P3H2: variants seen among roughly 807,000 people sequenced by gnomAD.
The protein encoded by P3H2 is leprecan-like 1.
A neutral mutation model predicts 87.0 loss-of-function variants in P3H2; 80 were observed. The ratio of observed to expected loss-of-function variants is 0.92; its 90% CI spans 0.77 to 1.11. The LOEUF (loss-of-function observed/expected upper bound fraction) is 1.11, where lower values mean the gene tolerates loss of function less well. Ranked by LOEUF, P3H2 falls within the 50% of genes least tolerant of loss-of-function variation. The probability of loss-of-function intolerance (pLI) is 0.00; values close to 1 mark genes in which losing one functional copy is unlikely to be tolerated. For missense variants in P3H2, 1,001 were observed against 923.9 expected (o/e 1.08, Z -1.08); for synonymous variants, 367 against 359.3 (o/e 1.02, Z -0.24).
chr3:190,069,872 G>A (rs1412497949), intron 1 of P3H2, among the ~76,000 whole-genome samples: 1 of 151,094 alleles, frequency 6.6e-6, no homozygotes, highest in Non-Finnish European at 1.5e-5. Context: ...TGGTGTAGAT[G>A]GAAATCCAAT....
At chr3:189,976,330 C>T (rs986876064) in intron 8 of P3H2, among the ~76,000 whole-genome samples, 11 of 152,194 alleles carry the variant, frequency 7.2e-5, no homozygotes, top group African/African-American at 2.7e-4. Context: ...TTAACGGACT[C>T]ACAGTTCCAC....
intron 1 of P3H2, among the ~76,000 whole-genome samples, chr3:190,004,082 G>A (rs1724302968): frequency 6.6e-6 from 1 of 152,140 alleles, no homozygotes; most frequent in South Asian, 2.1e-4. Flanking sequence ...TTCTCTATGT[G>A]AGTACAGAAC....
At chr3:190,041,216 A>G (rs1666400) in intron 1 of P3H2, among the ~76,000 whole-genome samples, 83,926 of 137,296 alleles carry the variant, frequency 0.61, 26,388 homozygotes, top group Admixed American at 0.71. Context: ...AGGCTGCAGT[A>G]AGCCAAGATT....
intron 1 of P3H2, among the ~76,000 whole-genome samples, chr3:190,081,534 G>A (rs34642841): frequency 1.3e-5 from 2 of 152,186 alleles, no homozygotes; most frequent in African/African-American, 2.4e-5. Flanking sequence ...TCAAGAAAAT[G>A]AGTCTGATTT....
chr3:190,039,136 C>T (rs1725518390), intron 1 of P3H2, among the ~76,000 whole-genome samples: 1 of 151,138 alleles, frequency 6.6e-6, no homozygotes, highest in Non-Finnish European at 1.5e-5. Context: ...TTGCGGTGAG[C>T]CGAGATCACA....
intron 1 of P3H2, among the ~76,000 whole-genome samples, chr3:190,076,518 C>T (rs1414256927): frequency 1.3e-5 from 2 of 152,182 alleles, no homozygotes; most frequent in Non-Finnish European, 2.9e-5. Context: ...ATTCACATAT[C>T]CACCTCCCTA....
chr3:190,045,352 C>T (rs987599187), intron 1 of P3H2, among the ~76,000 whole-genome samples: 1 of 152,158 alleles, frequency 6.6e-6, no homozygotes, highest in Non-Finnish European at 1.5e-5. Context: ...ACATTCTTTT[C>T]CCTTAGCAAG....
chr3:189,987,610 C>G lies in P3H2; in HGVS notation c.1015G>C (p.Asp339His), dbSNP rs759502203. 2 of 1,613,940 alleles carry G rather than the reference C, an allele frequency of 1.2e-6. No homozygotes were observed. The highest frequency in any genetic ancestry group is 1.7e-6 in the Non-Finnish European group (2 of 1,179,990). ...AKAYLLCHPD[D>H]EDVLDNVDYY... ...TCCACATTGTCTAGGACATCCTCATCATCTGGATGGCATAGAAGATAGGCT... is the reference window on the plus strand; with the variant it reads ...TCCACATTGTCTAGGACATCCTCATGATCTGGATGGCATAGAAGATAGGCT... The change falls in exon 5 of 15, where the codon GAT (aspartate) becomes CAT (histidine). Residue 339 changes from aspartate (D) to histidine (H), a missense_variant. Asp to His is a moderately conservative substitution (Grantham distance 81). Coordinates refer to ENST00000319332, the MANE Select transcript of P3H2 (RefSeq NM_018192.4).
At chr3:189,995,743 T>C (rs1329310051) in intron 1 of P3H2, among the ~76,000 whole-genome samples, 3 of 151,652 alleles carry the variant, frequency 2.0e-5, no homozygotes, top group Admixed American at 6.6e-5. Context: ...ATAAGATATA[T>C]AAAAAGCTGA....
At chr3:190,096,510 C>G (rs906188780) in intron 1 of P3H2, among the ~76,000 whole-genome samples, 2 of 152,140 alleles carry the variant, frequency 1.3e-5, no homozygotes, top group Non-Finnish European at 2.9e-5. Context: ...TCAATTACAC[C>G]TCTTTTCTTC....
chr3:190,108,456 T>G (rs1244487787), intron 1 of P3H2, among the ~76,000 whole-genome samples: 1 of 152,204 alleles, frequency 6.6e-6, no homozygotes, highest in African/African-American at 2.4e-5. Context: ...AGAAAAACAC[T>G]GATTTAAACA....
intron 1 of P3H2, among the ~76,000 whole-genome samples, chr3:190,043,592 T>A (rs536603393): frequency 6.6e-6 from 1 of 152,336 alleles, no homozygotes; most frequent in African/African-American, 2.4e-5. Flanking sequence ...ACAGGAATTG[T>A]ATATAGTTAA....
intron 2 of P3H2, 139 bp downstream of exon 2, chr3:189,995,151 A>C (rs1724010983): frequency 1.4e-6 from 1 of 728,904 alleles, no homozygotes; most frequent in Non-Finnish European, 2.2e-6. Context: ...TATTCTGAGA[A>C]TTCTGAAAGT....
chr3:189,971,821 C>T, intron 12 of P3H2, 69 bp downstream of exon 12: 1 of 933,976 alleles, frequency 1.1e-6, no homozygotes, highest in Non-Finnish European at 1.8e-6. Flanking sequence ...AAACAGAGCA[C>T]CTTTCCAGTT....
intron 1 of P3H2, among the ~76,000 whole-genome samples, chr3:190,015,879 T>C (rs950017424): frequency 6.6e-6 from 1 of 152,152 alleles, no homozygotes; most frequent in African/African-American, 2.4e-5. Flanking sequence ...CCACTGGAAG[T>C]AAGCAGTTAG....
In P3H2 at chr3:189,973,511, C is replaced by CTTTTTTT. The variant is rs869099221; in HGVS notation, c.1548+391_1548+397dup. Among the ~76,000 whole-genome samples the CTTTTTTT allele has an allele frequency of 7.6e-4, 27 of 35,454 alleles. 1 individual carries two copies. The highest frequency in any genetic ancestry group is 1.5e-3 in the African/African-American group (15 of 10,308). 23.3% of individuals were successfully genotyped at this position (35,454 alleles called of 152,430 possible). ...AACTTTTTTCTTTCTTTCTTTCTTT[C>CTTTTTTT]TTTTTTTTTTTTTTTTTTTTTTTTT... On this transcript the variant is annotated intron_variant, in intron 10 of 14. Transcript: ENST00000319332.
chr3:190,036,848 T>C (rs1217722462), intron 1 of P3H2, among the ~76,000 whole-genome samples: 1 of 152,098 alleles, frequency 6.6e-6, no homozygotes, highest in East Asian at 1.9e-4. Flanking sequence ...CATGAGATAC[T>C]TACACTGATT....
At chr3:190,081,061 TGTTA>T (rs1368892711) in intron 1 of P3H2, among the ~76,000 whole-genome samples, 1 of 152,238 alleles carries the variant, frequency 6.6e-6, no homozygotes, top group African/African-American at 2.4e-5. Context: ...CTCTTCTCTT[TGTTA>T]GTGTCTCCAA....
chr3:189,988,835 TA>T, intron 4 of P3H2, 71 bp downstream of exon 4: 1 of 1,579,464 alleles, frequency 6.3e-7, no homozygotes, highest in Non-Finnish European at 8.7e-7. Flanking sequence ...AAAACTCAAT[TA>T]CAAAAATGTG....
Sources: allele counts gnomAD v4.1 joint callset (sites outside exome capture counted in the v4.1 genomes callset), GRCh38; gene constraint gnomAD v4.1.1; transcripts MANE v1.5; gene names NCBI Gene and HGNC (gene_info 2026-07-23, HGNC 2026-07-21).